The following DUSP22 variants were observed in gnomAD, a reference collection of about 807,000 sequenced individuals.
DUSP22 encodes the protein dual specificity phosphatase 22, also known as dual specificity protein phosphatase 22.
Under a neutral mutation model 24.5 loss-of-function variants are expected in DUSP22, and 24 were observed. The observed-to-expected ratio is 0.98, with a 90% CI of 0.71 to 1.38. The LOEUF (loss-of-function observed/expected upper bound fraction) is 1.38. DUSP22 is among the 40% of genes most tolerant of loss of function. DUSP22 has a pLI of 0.00. For missense variants in DUSP22, 330 were observed against 269.2 expected (o/e 1.23, Z -1.58); for synonymous variants, 160 against 106.4 (o/e 1.50, Z -3.10).
chr6:350,460 C>T lies in DUSP22; in HGVS notation c.*1509C>T. Reference sequence around the variant, plus strand: ...AACCCAGTTTCTCTGAATTCCACCACAAAAAGAGACCCTGAATAAGAAGAG... The same window carrying T: ...AACCCAGTTTCTCTGAATTCCACCATAAAAAGAGACCCTGAATAAGAAGAG... On this transcript the variant is annotated 3_prime_UTR_variant, in exon 7 of 7. Transcript: ENST00000419235. The T allele has an allele frequency of 8.7e-7, 1 of 1,147,952 alleles. No homozygotes were observed. The highest frequency in any genetic ancestry group is 1.1e-6 in the Non-Finnish European group (1 of 930,066). The allele number at this position is 1,147,952 out of a possible 1,614,324, so 71.1% of individuals were successfully genotyped here. A position where few individuals can be genotyped will look rare whatever the true frequency, so the allele number is the denominator to read the frequency against.
At position 349,331 on chromosome 6, in the gene DUSP22, AATGTTTGTGTGT is replaced by A; in HGVS notation, c.*381_*392del. On this transcript the variant is annotated 3_prime_UTR_variant, in exon 7 of 7. Transcript: ENST00000419235. The stretch of plus-strand genomic sequence containing the variant: ...TGTTGTGAAAGTGTCTGTGCACATG[AATGTTTGTGTGT>A]GTGTGAACTCTTTCTTACTGCTGGA... The A allele has an allele frequency of 3.1e-5, 34 of 1,087,938 alleles. No individual in the cohort carries two copies. Among genetic ancestry groups the A allele is most frequent in the Non-Finnish European group, 3.8e-5 (34 of 893,854 alleles). The allele number at this position is 1,087,938 out of a possible 1,614,324, so 67.4% of individuals were successfully genotyped here.
chr6:327,296 C>T (rs748164273), intron 3 of DUSP22, among the ~76,000 whole-genome samples: 135 of 152,392 alleles, frequency 8.9e-4, no homozygotes, highest in Non-Finnish European at 1.7e-3. Context: ...AGCGTGCACT[C>T]ACCACGTCCA....
intron 4 of DUSP22, among the ~76,000 whole-genome samples, chr6:343,359 G>A (rs1478645047): frequency 1.9e-5 from 1 of 53,128 alleles, no homozygotes; most frequent in African/African-American, 9.6e-5. Flanking sequence ...ACAGTAGACA[G>A]GCCAGTGCAC....
chr6:323,944 A>G (rs1758727882), intron 3 of DUSP22, among the ~76,000 whole-genome samples: 1 of 152,308 alleles, frequency 6.6e-6, no homozygotes, highest in Admixed American at 6.5e-5. Flanking sequence ...GCAGATGGAG[A>G]GTGCAATTAA....
chr6:329,531 C>T (rs1005198404), intron 3 of DUSP22, among the ~76,000 whole-genome samples: 17 of 152,292 alleles, frequency 1.1e-4, no homozygotes, highest in Non-Finnish European at 1.9e-4. Context: ...CGGCTCACTG[C>T]AACCTCCACC....
rs373937597 is a variant in DUSP22 at position 348,090 on chromosome 6, C to T, written c.264-13C>T. 1,339 of 1,612,944 alleles carry T rather than the reference C, an allele frequency of 8.3e-4. No individual in the cohort carries two copies. Among genetic ancestry groups the T allele is most frequent in the Non-Finnish European group, 9.8e-4 (1,152 of 1,179,050 alleles). On this transcript the variant is annotated splice_polypyrimidine_tract_variant and intron_variant, in intron 5 of 6. Coordinates refer to ENST00000419235, the MANE Select transcript of DUSP22 (RefSeq NM_001286555.3). ...AAACTGCCCTCACACATGTGCTTCT[C>T]TTGGCCCCGCAGCCTGGCCGGGGTC... is the stretch of plus-strand genomic sequence containing the variant.
intron 5 of DUSP22, among the ~76,000 whole-genome samples, chr6:347,534 C>T (rs1357914753): frequency 6.6e-6 from 1 of 152,304 alleles, no homozygotes; most frequent in Non-Finnish European, 1.5e-5. Context: ...TGCAAGGGTG[C>T]CTTGCTCCCA....
chr6:349,239 C>CT lies in DUSP22; in HGVS notation c.*289dup. On this transcript the variant is annotated 3_prime_UTR_variant, in exon 7 of 7. Coordinates refer to ENST00000419235, the MANE Select transcript of DUSP22 (RefSeq NM_001286555.3). ...TGTGAGTGCACTTGTGTGTGGGTGACTAAGTGGATGCATGTGTGTGCCTGT... is the reference window on the plus strand; with the variant it reads ...TGTGAGTGCACTTGTGTGTGGGTGACTTAAGTGGATGCATGTGTGTGCCTGT... The CT allele has an allele frequency of 5.1e-6, 7 of 1,363,022 alleles. No homozygotes were observed. The highest frequency in any genetic ancestry group is 1.7e-5 in the South Asian group (1 of 60,556). The allele number at this position is 1,363,022 out of a possible 1,614,324, so 84.4% of individuals were successfully genotyped here.
chr6:322,062 A>C (rs1758616326), intron 3 of DUSP22, among the ~76,000 whole-genome samples: 2 of 152,392 alleles, frequency 1.3e-5, no homozygotes, highest in South Asian at 4.1e-4. Flanking sequence ...GTGTATCTAC[A>C]TAGTGTATGC....
At chr6:307,819 C>T (rs1309500540) in intron 2 of DUSP22, among the ~76,000 whole-genome samples, 4 of 152,300 alleles carry the variant, frequency 2.6e-5, no homozygotes, top group African/African-American at 9.6e-5. Flanking sequence ...GTGTTTTGTG[C>T]CTGCCAGTAA....
At chr6:326,632 G>A (rs1187749342) in intron 3 of DUSP22, among the ~76,000 whole-genome samples, 1 of 152,308 alleles carries the variant, frequency 6.6e-6, no homozygotes, top group African/African-American at 2.4e-5. Flanking sequence ...TTATGCAGAT[G>A]GGATTGCCCT....
At chr6:293,286 G>A (rs1260211613) in intron 1 of DUSP22, among the ~76,000 whole-genome samples, 1 of 152,288 alleles carries the variant, frequency 6.6e-6, no homozygotes, top group Admixed American at 6.5e-5. Flanking sequence ...AGCCTTTCCC[G>A]TCCAGGGAAG....
At chr6:318,002 C>A (rs541072762) in intron 3 of DUSP22, among the ~76,000 whole-genome samples, 1 of 152,306 alleles carries the variant, frequency 6.6e-6, no homozygotes, top group African/African-American at 2.4e-5. Context: ...GCCAGAGGAT[C>A]GGTTAGTGCA....
intron 2 of DUSP22, among the ~76,000 whole-genome samples, chr6:307,671 C>T (rs762400320): frequency 4.6e-5 from 7 of 152,300 alleles, no homozygotes; most frequent in East Asian, 1.9e-4. Context: ...TTGGCACCAG[C>T]GACAGTAGAT....
intron 1 of DUSP22, among the ~76,000 whole-genome samples, chr6:292,782 C>T (rs537730256): frequency 6.6e-6 from 1 of 152,392 alleles, no homozygotes; most frequent in East Asian, 1.9e-4. Flanking sequence ...CCCCCAGCCG[C>T]CTGCCTTGCC....
intron 2 of DUSP22, among the ~76,000 whole-genome samples, chr6:307,147 G>A (rs1253431922): frequency 2.0e-5 from 3 of 152,302 alleles, no homozygotes; most frequent in African/African-American, 4.8e-5. Context: ...CTCTTGCCTG[G>A]CATCTCATAT....
intron 4 of DUSP22, among the ~76,000 whole-genome samples, chr6:336,050 G>A (rs1171068553): frequency 6.6e-6 from 1 of 152,310 alleles, no homozygotes; most frequent in Non-Finnish European, 1.5e-5. Flanking sequence ...GGCAGCTACA[G>A]CTTTAGCAGT....
chr6:300,540 G>C (rs2127390497), intron 1 of DUSP22, among the ~76,000 whole-genome samples: 1 of 152,424 alleles, frequency 6.6e-6, no homozygotes, highest in African/African-American at 2.4e-5. Flanking sequence ...AGTTCAAAGA[G>C]GAGCACATGA....
At chr6:296,567 T>G (rs1387524268) in intron 1 of DUSP22, among the ~76,000 whole-genome samples, 15 of 152,302 alleles carry the variant, frequency 9.8e-5, no homozygotes, top group Non-Finnish European at 1.9e-4. Context: ...TGAAAACTCC[T>G]AGTTGACTCA....
Sources: allele counts gnomAD v4.1 joint callset (sites outside exome capture counted in the v4.1 genomes callset), GRCh38; gene constraint gnomAD v4.1.1; transcripts MANE v1.5; gene names NCBI Gene and HGNC (gene_info 2026-07-23, HGNC 2026-07-21).